Variants in NCKAP5 observed in about 807,000 individuals in gnomAD.
NCKAP5 encodes the protein NCK associated protein 5.
A neutral mutation model predicts 167.0 loss-of-function variants in NCKAP5; 92 were observed. The ratio of observed to expected loss-of-function variants is 0.55; its 90% CI spans 0.47 to 0.66. NCKAP5 has a LOEUF of 0.66. Ranked by LOEUF, NCKAP5 falls within the 30% of genes least tolerant of loss-of-function variation. The probability of loss-of-function intolerance (pLI) is 0.00; values close to 1 mark genes in which losing one functional copy is unlikely to be tolerated. For synonymous variants in NCKAP5, 891 were observed against 877.4 expected (o/e 1.02, Z -0.27); for missense variants, 2,378 against 2,315.0 (o/e 1.03, Z -0.56).
chr2:133,107,058 TA>T (rs925433527), intron 6 of NCKAP5, among the ~76,000 whole-genome samples: 2 of 151,988 alleles, frequency 1.3e-5, no homozygotes, highest in Non-Finnish European at 2.9e-5. Context: ...TGTAGAGTTG[TA>T]AAAAAAAGTC....
At chr2:133,306,472 C>T (rs979675713) in intron 3 of NCKAP5, among the ~76,000 whole-genome samples, 2 of 152,200 alleles carry the variant, frequency 1.3e-5, no homozygotes, top group African/African-American at 4.8e-5. Context: ...GAGCCTCAGA[C>T]ATGCTGACTA....
At chr2:133,363,032 C>T (rs911828732) in intron 3 of NCKAP5, among the ~76,000 whole-genome samples, 4 of 151,982 alleles carry the variant, frequency 2.6e-5, no homozygotes, top group East Asian at 1.9e-4. Flanking sequence ...TCCCAAGATG[C>T]TGGGATTACA....
At chr2:133,308,991 T>G (rs950812375) in intron 3 of NCKAP5, among the ~76,000 whole-genome samples, 10 of 151,496 alleles carry the variant, frequency 6.6e-5, no homozygotes, top group African/African-American at 2.4e-4. Context: ...ATTACAGGCG[T>G]GAGCCACCGC....
In NCKAP5 at chr2:133,422,987, C is replaced by T. The variant is rs116366454; in HGVS notation, c.69+94471G>A. Among the ~76,000 whole-genome samples the T allele has an allele frequency of 6.5e-3, 992 of 152,196 alleles. 6 individuals carry two copies. The highest frequency in any genetic ancestry group is 9.9e-3 in the Admixed American group (151 of 15,276). The stretch of plus-strand genomic sequence containing the variant: ...AGCCTAAGAGGCTGCCACGGAAAGT[C>T]CCGGTATATTTGAATTGCAAAACAC... On this transcript the variant is annotated intron_variant, in intron 3 of 19. Transcript: ENST00000409261.
intron 6 of NCKAP5, among the ~76,000 whole-genome samples, chr2:133,035,201 C>A (rs2079003182): frequency 1.3e-5 from 2 of 151,882 alleles, no homozygotes; most frequent in African/African-American, 2.4e-5. Flanking sequence ...ATCAATTCAG[C>A]AAGAAAATAT....
intron 6 of NCKAP5, among the ~76,000 whole-genome samples, chr2:133,001,533 T>G (rs1378983652): frequency 6.6e-6 from 1 of 152,170 alleles, no homozygotes; most frequent in Non-Finnish European, 1.5e-5. Flanking sequence ...TTCAATTATT[T>G]AAAAATGCAT....
intron 5 of NCKAP5, among the ~76,000 whole-genome samples, chr2:133,158,374 T>C (rs1224462752): frequency 1.3e-5 from 2 of 152,216 alleles, no homozygotes; most frequent in Non-Finnish European, 2.9e-5. Context: ...CTTCCATTTA[T>C]TTTTAAGAAT....
chr2:132,939,077 C>A (rs1697074061), intron 8 of NCKAP5, among the ~76,000 whole-genome samples: 2 of 152,010 alleles, frequency 1.3e-5, no homozygotes, highest in South Asian at 4.1e-4. Context: ...TAATAAAGTA[C>A]AAGGGAATAA....
rs923042360 is a variant in NCKAP5 at position 133,514,247 on chromosome 2, C to T, written c.69+3211G>A. Among the ~76,000 whole-genome samples the T allele has an allele frequency of 7.2e-5, 11 of 152,164 alleles. No homozygotes were observed. The East Asian group carries it at 9.6e-4, about 13-fold the overall frequency. On this transcript the variant is annotated intron_variant, in intron 3 of 19. Coordinates refer to ENST00000409261, the MANE Select transcript of NCKAP5 (RefSeq NM_207363.3). ...ATATTTTTCATTTCAGTTTCACTTACGTATCACTTTCTCCTTTAAAAGGGT... is the reference window on the plus strand; with the variant it reads ...ATATTTTTCATTTCAGTTTCACTTATGTATCACTTTCTCCTTTAAAAGGGT...
intron 3 of NCKAP5, among the ~76,000 whole-genome samples, chr2:133,335,572 A>C (rs1481957517): frequency 6.6e-6 from 1 of 152,186 alleles, no homozygotes; most frequent in East Asian, 1.9e-4. Context: ...GTTCTATAAA[A>C]AATGTATAGA....
chr2:132,963,215 CCTT>C (rs528125658), intron 8 of NCKAP5, among the ~76,000 whole-genome samples: 211 of 152,302 alleles, frequency 1.4e-3, no homozygotes, highest in African/African-American at 4.6e-3. Context: ...CCAAAAATCT[CCTT>C]AAGTCTCCTT....
intron 3 of NCKAP5, among the ~76,000 whole-genome samples, chr2:133,502,869 T>A (rs546938628): frequency 6.6e-6 from 1 of 152,334 alleles, no homozygotes; most frequent in South Asian, 2.1e-4. Flanking sequence ...AGCTTCCAAG[T>A]GTGCCTGGGG....
At chr2:133,528,477 T>C (rs1168906918) in intron 2 of NCKAP5, among the ~76,000 whole-genome samples, 1 of 152,138 alleles carries the variant, frequency 6.6e-6, no homozygotes, top group Non-Finnish European at 1.5e-5. Context: ...CAGATTCTGA[T>C]ATAATAAGGC....
At chr2:132,896,159 C>T (rs1574554479) in intron 8 of NCKAP5, among the ~76,000 whole-genome samples, 1 of 152,108 alleles carries the variant, frequency 6.6e-6, no homozygotes, top group East Asian at 1.9e-4. Flanking sequence ...CAAACAAAAA[C>T]AAAAAAACAA....
At chr2:133,471,554 C>G (rs1215889913) in intron 3 of NCKAP5, among the ~76,000 whole-genome samples, 1 of 152,022 alleles carries the variant, frequency 6.6e-6, no homozygotes, top group Non-Finnish European at 1.5e-5. Flanking sequence ...AGCAAGCAGG[C>G]AGAGGGTCTC....
chr2:133,060,034 G>A (rs558931378), intron 6 of NCKAP5, among the ~76,000 whole-genome samples: 24 of 152,222 alleles, frequency 1.6e-4, no homozygotes, highest in African/African-American at 5.8e-4. Context: ...CAGCCAGAGA[G>A]CCCTAAGCTC....
Position 133,146,283 on chromosome 2 carries a change from G to T in NCKAP5, c.208-16172C>A, listed in dbSNP as rs970383294. Among the ~76,000 whole-genome samples the T allele has an allele frequency of 4.6e-5, 7 of 151,488 alleles. No individual in the cohort carries two copies. The East Asian group carries it at 9.7e-4, about 21-fold the overall frequency. On this transcript the variant is annotated intron_variant, in intron 5 of 19. Coordinates refer to ENST00000409261, the MANE Select transcript of NCKAP5 (RefSeq NM_207363.3). Reference sequence around the variant, plus strand: ...AACATCTAGATAAAATGGGAGGGAAGCAACATCTAGATAAAAAAGCAAATC... The same window carrying T: ...AACATCTAGATAAAATGGGAGGGAATCAACATCTAGATAAAAAAGCAAATC...
chr2:133,669,411 C>T, the NCKAP5 span, among the ~76,000 whole-genome samples: 1 of 152,034 alleles, frequency 6.6e-6, no homozygotes, highest in Admixed American at 6.5e-5. Context: ...TTCTTTTCCC[C>T]CCTATCATTC....
chr2:132,713,136 G>A, intron 19 of NCKAP5, among the ~76,000 whole-genome samples: 1 of 149,884 alleles, frequency 6.7e-6, no homozygotes, highest in Admixed American at 6.7e-5. Context: ...TTCAATGAAA[G>A]ACTGGAAAGA....
Sources: gnomAD v4.1 joint callset for allele counts (sites outside exome capture counted in the v4.1 genomes callset) on GRCh38, gnomAD v4.1.1 for gene constraint, MANE v1.5 for transcripts, NCBI Gene and HGNC (gene_info 2026-07-23, HGNC 2026-07-21) for gene names.